CFAP61: variants seen among roughly 807,000 people sequenced by gnomAD.
CFAP61 encodes the protein cilia and flagella associated protein 61.
CFAP61 carries 107 observed loss-of-function variants against 135.6 expected under a neutral mutation model. That is an observed-to-expected ratio of 0.79 (90% CI 0.67 to 0.93). The LOEUF is 0.93. Among genes scored for constraint, CFAP61 ranks in the 40% least tolerant of loss-of-function variants. CFAP61 has a pLI of 0.00. For synonymous variants in CFAP61, 575 were observed against 578.5 expected (o/e 0.99, Z 0.09); for missense variants, 1,507 against 1,556.2 (o/e 0.97, Z 0.53).
intron 25 of CFAP61, among the ~76,000 whole-genome samples, chr20:20,320,842 A>T (rs780263596): frequency 4.0e-5 from 6 of 151,866 alleles, no homozygotes; most frequent in African/African-American, 7.3e-5. Context: ...AATGTAGAGA[A>T]GTCCCAGCTG....
chr20:20,354,995 AG>A (rs1394889610), intron 26 of CFAP61, among the ~76,000 whole-genome samples: 12 of 139,424 alleles, frequency 8.6e-5, no homozygotes, highest in Non-Finnish European at 1.7e-4. Context: ...GGTCACACTG[AG>A]GGGAGATGGT....
chr20:20,169,179 A>C (rs964388868), intron 12 of CFAP61, 142 bp from the exon 13 acceptor site: 11 of 740,894 alleles, frequency 1.5e-5, no homozygotes, highest in Non-Finnish European at 2.3e-5. Flanking sequence ...ATTATTTTCC[A>C]AATTATAGGA....
intron 20 of CFAP61, among the ~76,000 whole-genome samples, chr20:20,252,429 C>G (rs2051009796): frequency 6.6e-6 from 1 of 152,232 alleles, no homozygotes; most frequent in African/African-American, 2.4e-5. Flanking sequence ...GAGGCTTACT[C>G]TAACTCAAGG....
intron 24 of CFAP61, among the ~76,000 whole-genome samples, chr20:20,292,968 G>A (rs768916120): frequency 5.9e-5 from 9 of 152,072 alleles, no homozygotes; most frequent in Non-Finnish European, 1.0e-4. Context: ...GTCATATTGC[G>A]GGACGGTGTG....
intron 6 of CFAP61, among the ~76,000 whole-genome samples, chr20:20,081,425 A>G (rs758984991): frequency 7.9e-5 from 12 of 152,344 alleles, no homozygotes; most frequent in Non-Finnish European, 1.6e-4. Context: ...TATAAATCCA[A>G]CACTGAAAAT....
intron 21 of CFAP61, among the ~76,000 whole-genome samples, chr20:20,271,957 T>C (rs1286969106): frequency 6.6e-6 from 1 of 152,192 alleles, no homozygotes; most frequent in African/African-American, 2.4e-5. Context: ...TATATGTGTC[T>C]AGAAACTTCA....
intron 25 of CFAP61, among the ~76,000 whole-genome samples, chr20:20,320,050 A>G (rs560908239): frequency 3.3e-5 from 5 of 152,110 alleles, no homozygotes; most frequent in Non-Finnish European, 7.3e-5. Context: ...GAGCTGAAGT[A>G]TATTAAATAC....
intron 22 of CFAP61, among the ~76,000 whole-genome samples, chr20:20,281,784 G>T (rs186657294): frequency 6.4e-4 from 98 of 152,156 alleles, no homozygotes; most frequent in African/African-American, 2.1e-3. Flanking sequence ...AAAAAAATTC[G>T]GGCAATGTTC....
intron 8 of CFAP61, among the ~76,000 whole-genome samples, chr20:20,128,566 G>T (rs750800045): frequency 6.6e-6 from 1 of 151,702 alleles, no homozygotes; most frequent in African/African-American, 2.4e-5. Context: ...GAGGCAGTCT[G>T]CTTCCTTCAG....
Position 20,360,644 on chromosome 20 carries a change from G to A in CFAP61, c.*234G>A. The A allele has an allele frequency of 1.8e-6, 1 of 561,174 alleles. No individual in the cohort carries two copies. Among genetic ancestry groups the A allele is most frequent in the Non-Finnish European group, 3.1e-6 (1 of 317,730 alleles). The allele number at this position is 561,174 out of a possible 1,614,324, so 34.8% of individuals were successfully genotyped here. ...GGCTCGCTTTACAAATCCCAGGCATGTTCCTGTGCAGAATAATCCATTTCA... is the reference window on the plus strand; with the variant it reads ...GGCTCGCTTTACAAATCCCAGGCATATTCCTGTGCAGAATAATCCATTTCA... On this transcript the variant is annotated 3_prime_UTR_variant, in exon 27 of 27. Coordinates refer to ENST00000245957, the MANE Select transcript of CFAP61 (RefSeq NM_015585.4).
At chr20:20,207,904 G>A (rs2146909090) in intron 17 of CFAP61, among the ~76,000 whole-genome samples, 1 of 152,280 alleles carries the variant, frequency 6.6e-6, no homozygotes, top group Non-Finnish European at 1.5e-5. Context: ...TGGGGTTATA[G>A]TGTTTGAAAC....
intron 19 of CFAP61, among the ~76,000 whole-genome samples, chr20:20,248,181 C>G (rs1375105961): frequency 1.3e-5 from 2 of 152,304 alleles, no homozygotes; most frequent in African/African-American, 4.8e-5. Context: ...TCCTCTCAAG[C>G]AAGTGTTAGG....
At chr20:20,231,021 C>T (rs183525292) in intron 18 of CFAP61, among the ~76,000 whole-genome samples, 2 of 152,172 alleles carry the variant, frequency 1.3e-5, no homozygotes, top group Admixed American at 1.3e-4. Flanking sequence ...TATTTCCATG[C>T]AAGAAATTAT....
At chr20:20,243,528 C>T (rs1170232653) in intron 18 of CFAP61, among the ~76,000 whole-genome samples, 1 of 152,018 alleles carries the variant, frequency 6.6e-6, no homozygotes, top group Non-Finnish European at 1.5e-5. Context: ...ACCTCCACCT[C>T]CCCAGTTCAA....
chr20:20,196,149 A>G (rs1041120407), intron 15 of CFAP61, among the ~76,000 whole-genome samples: 22 of 152,214 alleles, frequency 1.4e-4, no homozygotes, highest in African/African-American at 4.3e-4. Flanking sequence ...GTGAATAGTA[A>G]TGCATCAGAG....
chr20:20,067,931 A>C (rs998461164), intron 2 of CFAP61, among the ~76,000 whole-genome samples: 1 of 151,770 alleles, frequency 6.6e-6, no homozygotes, highest in Non-Finnish European at 1.5e-5. Context: ...ATGCTACAAA[A>C]GTTACTTTTT....
At chr20:20,338,947 G>C (rs557479304) in intron 25 of CFAP61, among the ~76,000 whole-genome samples, 120 of 152,362 alleles carry the variant, frequency 7.9e-4, no homozygotes, top group African/African-American at 2.7e-3. Context: ...ACTTGCAGAA[G>C]TGATGGGGAA....
chr20:20,298,128 A>G, intron 24 of CFAP61, 53 bp from the exon 25 acceptor site: 1 of 1,324,568 alleles, frequency 7.5e-7, no homozygotes, highest in Non-Finnish European at 1.1e-6. Flanking sequence ...TAAAGTTCCC[A>G]AAATCCAGGA....
At chr20:20,301,524 C>T (rs769429237) in intron 25 of CFAP61, among the ~76,000 whole-genome samples, 2 of 152,202 alleles carry the variant, frequency 1.3e-5, no homozygotes, top group Non-Finnish European at 2.9e-5. Flanking sequence ...GCTCCACAGA[C>T]CTGCCAAGCC....
Sources: allele counts gnomAD v4.1 joint callset (sites outside exome capture counted in the v4.1 genomes callset), GRCh38; gene constraint gnomAD v4.1.1; transcripts MANE v1.5; gene names NCBI Gene and HGNC (gene_info 2026-07-23, HGNC 2026-07-21).